The following AFAP1 variants were observed in gnomAD, a reference collection of about 807,000 sequenced individuals.
AFAP1 encodes the protein actin filament-associated protein 1.
Under a neutral mutation model 93.9 loss-of-function variants are expected in AFAP1, and 75 were observed. The observed-to-expected ratio is 0.80, with a 90% CI of 0.66 to 0.97. The LOEUF (loss-of-function observed/expected upper bound fraction) is 0.97, where lower values mean the gene tolerates loss of function less well. AFAP1 is among the 50% of genes least tolerant of loss of function. The probability of loss-of-function intolerance (pLI) is 0.00; values close to 1 mark genes in which losing one functional copy is unlikely to be tolerated. For missense variants in AFAP1, 1,201 were observed against 1,050.8 expected (o/e 1.14, Z -1.98); for synonymous variants, 517 against 430.7 (o/e 1.20, Z -2.48).
intron 11 of AFAP1, among the ~76,000 whole-genome samples, chr4:7,791,689 C>CA (rs200864466): frequency 0.029 from 4,000 of 139,186 alleles, 107 homozygotes; most frequent in Admixed American, 0.073. Flanking sequence ...CCGTCTCTAC[C>CA]AAAAAAAAAA....
At chr4:7,773,166 T>A in intron 15 of AFAP1, 156 bp from the exon 16 acceptor site, 1 of 1,184,372 alleles carries the variant, frequency 8.4e-7, no homozygotes, top group South Asian at 1.6e-5. Context: ...TCAGCAGTTC[T>A]CTAAGGGATC....
chr4:7,834,128 C>CACATAT (rs756961714), intron 6 of AFAP1, among the ~76,000 whole-genome samples: 159 of 119,492 alleles, frequency 1.3e-3, no homozygotes, highest in African/African-American at 5.7e-3. Flanking sequence ...CACACACACA[C>CACATAT]ATATATACAA....
chr4:7,896,213 G>T (rs1718753401), intron 1 of AFAP1, among the ~76,000 whole-genome samples: 1 of 152,036 alleles, frequency 6.6e-6, no homozygotes, highest in African/African-American at 2.4e-5. Flanking sequence ...AATTTTCTTT[G>T]TAATGCCTAA....
chr4:7,924,907 G>C (rs146483453), intron 1 of AFAP1, among the ~76,000 whole-genome samples: 218 of 152,122 alleles, frequency 1.4e-3, no homozygotes, highest in African/African-American at 4.9e-3. Flanking sequence ...TCCCAGTTAG[G>C]ATCATTCAGA....
At chr4:7,885,106 C>A (rs1718071530) in intron 1 of AFAP1, among the ~76,000 whole-genome samples, 1 of 152,218 alleles carries the variant, frequency 6.6e-6, no homozygotes, top group South Asian at 2.1e-4. Context: ...AGTTCCCAAA[C>A]CATGACCAAC....
intron 6 of AFAP1, among the ~76,000 whole-genome samples, chr4:7,832,574 T>G (rs1001000775): frequency 6.6e-6 from 1 of 151,286 alleles, no homozygotes; most frequent in African/African-American, 2.4e-5. Context: ...ATGGACTAGG[T>G]GGGTTGGGCC....
intron 1 of AFAP1, among the ~76,000 whole-genome samples, chr4:7,915,529 C>T (rs1480142386): frequency 6.6e-6 from 1 of 152,156 alleles, no homozygotes; most frequent in Non-Finnish European, 1.5e-5. Flanking sequence ...GTCTGTTCAG[C>T]TTTTTGACCT....
At chr4:7,825,374 C>A (rs1157899547) in intron 6 of AFAP1, among the ~76,000 whole-genome samples, 4 of 152,120 alleles carry the variant, frequency 2.6e-5, no homozygotes, top group Admixed American at 6.5e-5. Flanking sequence ...GTCACCAAGA[C>A]GTGGCCTTTA....
chr4:7,872,183 T>C (rs181299435), intron 1 of AFAP1, 103 bp from the exon 2 acceptor site: 616 of 1,435,198 alleles, frequency 4.3e-4, no homozygotes, highest in Non-Finnish European at 5.2e-4. Context: ...AGCTTGATCA[T>C]TGGATATAGT....
chr4:7,813,913 C>G (rs778902397), intron 8 of AFAP1, among the ~76,000 whole-genome samples: 2 of 152,082 alleles, frequency 1.3e-5, no homozygotes, highest in African/African-American at 4.8e-5. Context: ...ACACTTGGCT[C>G]CCTCCAGGAG....
chr4:7,796,039 T>C (rs1718388817), intron 10 of AFAP1, among the ~76,000 whole-genome samples: 1 of 152,194 alleles, frequency 6.6e-6, no homozygotes, highest in African/African-American at 2.4e-5. Context: ...ATCTGTCATA[T>C]GTATAACATA....
chr4:7,867,548 A>G (rs1243052714), intron 3 of AFAP1, among the ~76,000 whole-genome samples: 1 of 152,166 alleles, frequency 6.6e-6, no homozygotes, highest in East Asian at 1.9e-4. Context: ...CCTCTGAACT[A>G]GTATTGTTGA....
chr4:7,899,383 G>C (rs1489663045), intron 1 of AFAP1, among the ~76,000 whole-genome samples: 1 of 152,052 alleles, frequency 6.6e-6, no homozygotes, highest in South Asian at 2.1e-4. Context: ...GGTGAATGAC[G>C]AGTTAAGAAC....
intron 14 of AFAP1, chr4:7,776,605 A>G (rs551265384): frequency 1.3e-5 from 2 of 152,258 alleles, no homozygotes; most frequent in South Asian, 2.1e-4. Context: ...TTGCAACGTA[A>G]GTTATCATGA....
At chr4:7,805,278 C>G (rs890218978) in intron 9 of AFAP1, among the ~76,000 whole-genome samples, 2 of 152,162 alleles carry the variant, frequency 1.3e-5, no homozygotes, top group Non-Finnish European at 2.9e-5. Flanking sequence ...CTAAAAAATC[C>G]TGCCATTGAA....
intron 6 of AFAP1, among the ~76,000 whole-genome samples, chr4:7,819,629 C>T (rs938754085): frequency 6.6e-6 from 1 of 152,174 alleles, no homozygotes; most frequent in African/African-American, 2.4e-5. Flanking sequence ...GCAGCAGGAA[C>T]AGCTGGTGAA....
chr4:7,931,873 T>A (rs1157848826), intron 1 of AFAP1, among the ~76,000 whole-genome samples: 1 of 152,094 alleles, frequency 6.6e-6, no homozygotes, highest in Admixed American at 6.5e-5. Flanking sequence ...TCTTTTTCTT[T>A]TTTTTGAGAC....
chr4:7,911,526 G>A (rs1369737321), intron 1 of AFAP1, among the ~76,000 whole-genome samples: 1 of 152,228 alleles, frequency 6.6e-6, no homozygotes, highest in African/African-American at 2.4e-5. Flanking sequence ...TTTACGGATT[G>A]CACAGCATTT....
chr4:7,806,649 C>T (rs1406646598), intron 9 of AFAP1, among the ~76,000 whole-genome samples: 1 of 152,180 alleles, frequency 6.6e-6, no homozygotes, highest in Non-Finnish European at 1.5e-5. Flanking sequence ...ACTAAAATAA[C>T]TGAAAATGGT....
Sources: gnomAD v4.1 joint callset for allele counts (sites outside exome capture counted in the v4.1 genomes callset) on GRCh38, gnomAD v4.1.1 for gene constraint, MANE v1.5 for transcripts, NCBI Gene and HGNC (gene_info 2026-07-23, HGNC 2026-07-21) for gene names.